The following CAMKMT variants were observed in gnomAD, a reference collection of about 807,000 sequenced individuals.
The protein encoded by CAMKMT is calmodulin-lysine N-methyltransferase.
In CAMKMT, 53 loss-of-function variants were observed where a neutral mutation model predicts 48.0. The ratio of observed to expected loss-of-function variants is 1.10; its 90% CI spans 0.89 to 1.39. CAMKMT has a LOEUF of 1.39. Among genes scored for constraint, CAMKMT ranks in the 40% most tolerant of loss-of-function variants. The pLI, the probability that CAMKMT is intolerant of heterozygous loss-of-function variation, is 0.00. For missense variants in CAMKMT, 428 were observed against 402.7 expected (o/e 1.06, Z -0.54); for synonymous variants, 165 against 152.3 (o/e 1.08, Z -0.61).
At chr2:44,710,061 C>A (rs1282253615) in intron 6 of CAMKMT, among the ~76,000 whole-genome samples, 2 of 151,380 alleles carry the variant, frequency 1.3e-5, no homozygotes, top group Non-Finnish European at 2.9e-5. Flanking sequence ...CCAACTGAAT[C>A]TTCTTAGTCT....
chr2:44,662,718 C>A (rs968000558), intron 3 of CAMKMT, among the ~76,000 whole-genome samples: 4 of 152,088 alleles, frequency 2.6e-5, no homozygotes, highest in Non-Finnish European at 4.4e-5. Flanking sequence ...TATGCATCAC[C>A]ATGCCAGGTT....
At chr2:44,560,187 G>C (rs1008654337) in intron 3 of CAMKMT, among the ~76,000 whole-genome samples, 1 of 152,116 alleles carries the variant, frequency 6.6e-6, no homozygotes, top group African/African-American at 2.4e-5. Context: ...CAACTGACTT[G>C]GCCAGTTTTT....
intron 3 of CAMKMT, among the ~76,000 whole-genome samples, chr2:44,479,700 G>A (rs1434296670): frequency 6.6e-6 from 1 of 152,086 alleles, no homozygotes; most frequent in East Asian, 1.9e-4. Flanking sequence ...AAGCTGTCAC[G>A]AACTCATGGA....
At chr2:44,682,871 G>C (rs961209741) in intron 3 of CAMKMT, among the ~76,000 whole-genome samples, 1 of 152,190 alleles carries the variant, frequency 6.6e-6, no homozygotes, top group African/African-American at 2.4e-5. Flanking sequence ...TGATTGGAAT[G>C]CTGGTAATCA....
chr2:44,491,456 C>T (rs188206693), intron 3 of CAMKMT, among the ~76,000 whole-genome samples: 106 of 152,196 alleles, frequency 7.0e-4, no homozygotes, highest in Admixed American at 1.2e-3. Flanking sequence ...TTTTGGTACA[C>T]CATTGGCTTC....
intron 3 of CAMKMT, among the ~76,000 whole-genome samples, chr2:44,680,343 A>G (rs1370732679): frequency 1.3e-5 from 2 of 152,148 alleles, no homozygotes; most frequent in Non-Finnish European, 2.9e-5. Flanking sequence ...TGAGATTGTC[A>G]CACTCTTTTT....
chr2:44,739,865 A>G (rs1679574932), intron 7 of CAMKMT, among the ~76,000 whole-genome samples: 1 of 152,230 alleles, frequency 6.6e-6, no homozygotes, highest in African/African-American at 2.4e-5. Flanking sequence ...AAATAACTCC[A>G]TGTTTGAATA....
chr2:44,547,144 G>T (rs947791113), intron 3 of CAMKMT, among the ~76,000 whole-genome samples: 1 of 152,148 alleles, frequency 6.6e-6, no homozygotes, highest in Admixed American at 6.5e-5. Context: ...TATCCTCAAA[G>T]AAAATGTTAA....
At chr2:44,623,288 T>G (rs1264666445) in intron 3 of CAMKMT, among the ~76,000 whole-genome samples, 1 of 152,156 alleles carries the variant, frequency 6.6e-6, no homozygotes, top group East Asian at 1.9e-4. Flanking sequence ...GTTTACTCTG[T>G]TGATGGTGTT....
chr2:44,497,268 A>G (rs1377363576), intron 3 of CAMKMT, among the ~76,000 whole-genome samples: 3 of 152,150 alleles, frequency 2.0e-5, no homozygotes, highest in Non-Finnish European at 2.9e-5. Context: ...TTTATTCTTT[A>G]TGATCAGAAA....
chr2:44,454,010 G>A (rs1341921630), intron 3 of CAMKMT, among the ~76,000 whole-genome samples: 1 of 152,018 alleles, frequency 6.6e-6, no homozygotes, highest in Non-Finnish European at 1.5e-5. Flanking sequence ...GAGAGAGAAG[G>A]AAAATGTCTG....
intron 3 of CAMKMT, among the ~76,000 whole-genome samples, chr2:44,435,655 A>C (rs1359286702): frequency 6.6e-6 from 1 of 152,210 alleles, no homozygotes; most frequent in Non-Finnish European, 1.5e-5. Flanking sequence ...AACTTGCTTG[A>C]CTGTCATGGC....
At chr2:44,587,326 G>A (rs958809861) in intron 3 of CAMKMT, among the ~76,000 whole-genome samples, 3 of 152,054 alleles carry the variant, frequency 2.0e-5, no homozygotes, top group African/African-American at 7.2e-5. Flanking sequence ...GCAATATTTT[G>A]CAATTTTCAA....
At chr2:44,723,253 G>A (rs1678571948) in intron 7 of CAMKMT, among the ~76,000 whole-genome samples, 1 of 152,178 alleles carries the variant, frequency 6.6e-6, no homozygotes, top group South Asian at 2.1e-4. Flanking sequence ...AGTTCTCGCT[G>A]AGAGCTTCTC....
chr2:44,425,432 A>G (rs2104521322), intron 3 of CAMKMT, among the ~76,000 whole-genome samples: 1 of 152,346 alleles, frequency 6.6e-6, no homozygotes, highest in South Asian at 2.1e-4. Context: ...AAGTATAAAG[A>G]CAAGGTCATT....
intron 3 of CAMKMT, among the ~76,000 whole-genome samples, chr2:44,494,284 AC>A (rs1165324958): frequency 3.9e-4 from 60 of 152,106 alleles, no homozygotes; most frequent in African/African-American, 1.4e-3. Context: ...GGAAATGTCA[AC>A]TCTTGTTGAC....
chr2:44,743,541 CA>C (rs904974735), intron 7 of CAMKMT, 80 bp from the exon 8 acceptor site: 19 of 983,570 alleles, frequency 1.9e-5, no homozygotes, highest in East Asian at 5.2e-5. Flanking sequence ...TCAAGTGCCA[CA>C]AAAAAATAAT....
chr2:44,749,777 G>A (rs994993794), intron 8 of CAMKMT, among the ~76,000 whole-genome samples: 5 of 152,138 alleles, frequency 3.3e-5, no homozygotes, highest in East Asian at 1.9e-4. Flanking sequence ...ACAGCTCCAC[G>A]CAACAGCCCC....
At chr2:44,431,943 T>G (rs1370148421) in intron 3 of CAMKMT, among the ~76,000 whole-genome samples, 1 of 152,170 alleles carries the variant, frequency 6.6e-6, no homozygotes, top group African/African-American at 2.4e-5. Context: ...TGTGCTTCAC[T>G]TTCAGAGCAA....
Sources: allele counts gnomAD v4.1 joint callset (sites outside exome capture counted in the v4.1 genomes callset), GRCh38; gene constraint gnomAD v4.1.1; transcripts MANE v1.5; gene names NCBI Gene and HGNC (gene_info 2026-07-23, HGNC 2026-07-21).